Variants in MAP2 observed in about 807,000 individuals in gnomAD.
MAP2 encodes microtubule associated protein 2.
A neutral mutation model predicts 137.6 loss-of-function variants in MAP2; 14 were observed. That is an observed-to-expected ratio of 0.10 (90% CI 0.07 to 0.16). The LOEUF (loss-of-function observed/expected upper bound fraction) is 0.16, where lower values mean the gene tolerates loss of function less well. MAP2 is among the 10% of genes least tolerant of loss of function. The probability of loss-of-function intolerance (pLI) is 1.00; values close to 1 mark genes in which losing one functional copy is unlikely to be tolerated. For missense variants in MAP2, 2,088 were observed against 2,191.5 expected, an observed-to-expected ratio of 0.95 and a Z score of 0.94; for synonymous variants, 786 against 782.3, an observed-to-expected ratio of 1.00 and a Z score of -0.08.
At position 209,693,554 on chromosome 2, in the gene MAP2, C is replaced by A. The variant is rs559654317; in HGVS notation, c.1384C>A (p.Pro462Thr). ...AGAAGCTGTGCCAAAAGAGAGTAAACCCCCAAAACCTGCAGATGAAGAAAT... is the reference window on the plus strand; with the variant it reads ...AGAAGCTGTGCCAAAAGAGAGTAAAACCCCAAAACCTGCAGATGAAGAAAT... ...DKEAVPKESK[P>T]PKPADEEIGI... The change falls in exon 8 of 16, where the codon CCC becomes ACC. Residue 462 changes from proline to threonine, a missense_variant. Pro to Thr is a conservative substitution (Grantham distance 38). Coordinates refer to ENST00000682079, the MANE Select transcript of MAP2 (RefSeq NM_001375505.1). 1 of 1,612,102 alleles carries A rather than the reference C, an allele frequency of 6.2e-7. No homozygotes were observed. The highest frequency in any genetic ancestry group is 2.2e-5 in the East Asian group (1 of 44,850).
chr2:209,444,543 A>G (rs1698588673), intron 1 of MAP2, among the ~76,000 whole-genome samples: 1 of 151,502 alleles, frequency 6.6e-6, no homozygotes, highest in South Asian at 2.1e-4. Context: ...GGCTGGGCTG[A>G]TATTTTGAAT....
intron 2 of MAP2, among the ~76,000 whole-genome samples, chr2:209,552,795 G>C (rs1453871395): frequency 2.0e-5 from 3 of 151,896 alleles, no homozygotes; most frequent in Non-Finnish European, 4.4e-5. Flanking sequence ...CGGGAGGCAG[G>C]GGTTGTGCTG....
intron 1 of MAP2, among the ~76,000 whole-genome samples, chr2:209,496,072 G>A (rs985415194): frequency 1.3e-5 from 2 of 152,148 alleles, no homozygotes; most frequent in Non-Finnish European, 1.5e-5. Flanking sequence ...TCCATTAAGA[G>A]CCTTATCTCA....
rs183764625 is a variant in MAP2, at chr2:209,566,969, G to A, written c.-171-13067G>A. On this transcript the variant is annotated intron_variant, in intron 2 of 15. Transcript: ENST00000682079. ...CGTGCCACTAGAAAAATCTGTTTTT[G>A]AGGCATCACCTGCTTTTTTCTAATA... is the stretch of plus-strand genomic sequence containing the variant. Among the ~76,000 whole-genome samples the A allele has an allele frequency of 2.0e-5, 3 of 152,230 alleles. No individual in the cohort carries two copies. In the East Asian group the frequency reaches 5.8e-4, roughly 29 times the overall value.
chr2:209,715,412 T>C (rs2067167251), intron 13 of MAP2, among the ~76,000 whole-genome samples: 1 of 152,006 alleles, frequency 6.6e-6, no homozygotes, highest in African/African-American at 2.4e-5. Flanking sequence ...TACACCATGC[T>C]ATGTTCTACA....
chr2:209,667,593 T>C (rs1243316119), intron 5 of MAP2, among the ~76,000 whole-genome samples: 1 of 152,042 alleles, frequency 6.6e-6, no homozygotes, highest in Non-Finnish European at 1.5e-5. Context: ...ATTTTCCTTA[T>C]ATGTTGGGAA....
chr2:209,468,373 T>G (rs1485424582), intron 1 of MAP2, among the ~76,000 whole-genome samples: 1 of 133,178 alleles, frequency 7.5e-6, no homozygotes, highest in Non-Finnish European at 1.5e-5. Context: ...CAGGCTGGAG[T>G]GCAGTGGTGC....
At chr2:209,566,419 T>G (rs1224342601) in intron 2 of MAP2, among the ~76,000 whole-genome samples, 2 of 152,180 alleles carry the variant, frequency 1.3e-5, no homozygotes, top group African/African-American at 4.8e-5. Context: ...CATTCAGCAA[T>G]GCCAGCTATT....
chr2:209,487,405 A>G (rs1233478809), intron 1 of MAP2, among the ~76,000 whole-genome samples: 1 of 152,194 alleles, frequency 6.6e-6, no homozygotes, highest in Non-Finnish European at 1.5e-5. Flanking sequence ...TGACAAAATG[A>G]TGGTTTGGTA....
At chr2:209,451,184 G>A (rs145217203) in intron 1 of MAP2, among the ~76,000 whole-genome samples, 2 of 148,764 alleles carry the variant, frequency 1.3e-5, no homozygotes, top group African/African-American at 2.6e-5. Flanking sequence ...GTTGGACTAT[G>A]TTTAGGGAAA....
intron 4 of MAP2, among the ~76,000 whole-genome samples, chr2:209,643,879 T>G (rs547784989): frequency 4.9e-4 from 74 of 152,336 alleles, no homozygotes; most frequent in African/African-American, 1.7e-3. Context: ...CCAACTTCTA[T>G]TTGTGAGAAT....
chr2:209,705,784 A>C, intron 12 of MAP2, 57 bp downstream of exon 12: 1 of 1,303,922 alleles, frequency 7.7e-7, no homozygotes, highest in Non-Finnish European at 1.1e-6. Context: ...CTTTAAGTGG[A>C]ATAGCACTTA....
At chr2:209,513,029 A>C (rs1307097029) in intron 2 of MAP2, among the ~76,000 whole-genome samples, 1 of 152,190 alleles carries the variant, frequency 6.6e-6, no homozygotes, top group East Asian at 1.9e-4. Flanking sequence ...TATATGGTTC[A>C]TTAAAGATGC....
At chr2:209,596,089 G>A (rs980062073) in intron 3 of MAP2, among the ~76,000 whole-genome samples, 6 of 151,372 alleles carry the variant, frequency 4.0e-5, no homozygotes, top group African/African-American at 1.5e-4. Flanking sequence ...ATGTACCCTA[G>A]AACTTAAAGT....
At chr2:209,425,493 ATTG>A (rs1393937559) in intron 1 of MAP2, among the ~76,000 whole-genome samples, 2 of 152,210 alleles carry the variant, frequency 1.3e-5, no homozygotes, top group African/African-American at 4.8e-5. Flanking sequence ...ACAAAAAAAT[ATTG>A]TTGGGTGGTA....
At chr2:209,511,617 G>A (rs2061730085) in intron 2 of MAP2, among the ~76,000 whole-genome samples, 1 of 152,034 alleles carries the variant, frequency 6.6e-6, no homozygotes, top group Non-Finnish European at 1.5e-5. Context: ...TGTCACCCAG[G>A]CTGGAGTATA....
chr2:209,542,424 CA>C (rs2153264100), intron 2 of MAP2, among the ~76,000 whole-genome samples: 1 of 152,320 alleles, frequency 6.6e-6, no homozygotes, highest in South Asian at 2.1e-4. Flanking sequence ...GCGCTGACTT[CA>C]ATATCAAGTC....
chr2:209,631,465 G>T (rs909806680), intron 4 of MAP2, among the ~76,000 whole-genome samples: 1 of 152,048 alleles, frequency 6.6e-6, no homozygotes, highest in African/African-American at 2.4e-5. Flanking sequence ...AGACCCTTCA[G>T]CTACTGTCCT....
intron 1 of MAP2, among the ~76,000 whole-genome samples, chr2:209,488,700 A>G (rs2058698139): frequency 6.6e-6 from 1 of 152,208 alleles, no homozygotes; most frequent in African/African-American, 2.4e-5. Flanking sequence ...AGCCCACCAC[A>G]GTGCCAAAAA....
Sources: gnomAD v4.1 joint callset for allele counts (sites outside exome capture counted in the v4.1 genomes callset) on GRCh38, gnomAD v4.1.1 for gene constraint, MANE v1.5 for transcripts, NCBI Gene and HGNC (gene_info 2026-07-23, HGNC 2026-07-21) for gene names.